Variants in MOSMO observed in about 807,000 individuals in gnomAD.
The protein encoded by MOSMO is modulator of smoothened protein.
Under a neutral mutation model 18.4 loss-of-function variants are expected in MOSMO, and 5 were observed. The ratio of observed to expected loss-of-function variants is 0.27; its 90% CI spans 0.14 to 0.57. The LOEUF (loss-of-function observed/expected upper bound fraction) is 0.57, where lower values mean the gene tolerates loss of function less well. MOSMO is among the 20% of genes least tolerant of loss of function. MOSMO has a pLI of 0.92. For synonymous variants in MOSMO, 82 were observed against 82.3 expected, an observed-to-expected ratio of 1.00 and a Z score of 0.02; for missense variants, 138 against 211.8, an observed-to-expected ratio of 0.65 and a Z score of 2.16.
downstream of MOSMO, among the ~76,000 whole-genome samples, chr16:22,088,614 G>A (rs893078345): frequency 4.6e-5 from 7 of 152,170 alleles, no homozygotes; most frequent in Non-Finnish European, 8.8e-5. Flanking sequence ...CATTCTCTAC[G>A]TTTAGAGAAG....
chr16:22,090,051 A>G (rs1163153284), downstream of MOSMO: 2 of 152,094 alleles, frequency 1.3e-5, no homozygotes, highest in Non-Finnish European at 2.9e-5. Flanking sequence ...CATGGGGCCA[A>G]TTTCACGTTC....
At chr16:22,024,383 T>G (rs1899832270) in intron 1 of MOSMO, among the ~76,000 whole-genome samples, 1 of 151,476 alleles carries the variant, frequency 6.6e-6, no homozygotes. Flanking sequence ...TTTTTTTTTT[T>G]GAGACGGAGT....
intron 1 of MOSMO, among the ~76,000 whole-genome samples, chr16:22,048,127 G>A (rs1032373015): frequency 1.3e-5 from 2 of 152,174 alleles, no homozygotes; most frequent in Non-Finnish European, 2.9e-5. Flanking sequence ...GTGTAGGACT[G>A]TGTAGCATAG....
At chr16:22,089,480 T>C (rs1901251478), downstream of MOSMO, among the ~76,000 whole-genome samples, 1 of 152,168 alleles carries the variant, frequency 6.6e-6, no homozygotes, top group Admixed American at 6.6e-5. Flanking sequence ...CCAAACCAGC[T>C]GCTCCTCACC....
At chr16:22,038,783 T>C (rs1900156597) in intron 1 of MOSMO, among the ~76,000 whole-genome samples, 1 of 152,226 alleles carries the variant, frequency 6.6e-6, no homozygotes, top group Non-Finnish European at 1.5e-5. Flanking sequence ...CCATAAAGCA[T>C]AAATTTTTTA....
intron 2 of MOSMO, among the ~76,000 whole-genome samples, chr16:22,078,570 G>A (rs62047196): frequency 0.022 from 3,303 of 152,168 alleles, 59 homozygotes; most frequent in Non-Finnish European, 0.031. Flanking sequence ...GAAATGATAG[G>A]AACAAAGTTG....
intron 1 of MOSMO, among the ~76,000 whole-genome samples, chr16:22,024,936 G>T (rs1207648399): frequency 6.6e-6 from 1 of 151,986 alleles, no homozygotes; most frequent in East Asian, 1.9e-4. Flanking sequence ...GATCGCCTGA[G>T]CCCAGGAGTT....
intron 1 of MOSMO, among the ~76,000 whole-genome samples, chr16:22,021,747 G>A (rs921652432): frequency 4.0e-5 from 6 of 151,898 alleles, no homozygotes; most frequent in Non-Finnish European, 7.4e-5. Context: ...GCAGTGAGCC[G>A]AGACTGGACC....
chr16:22,072,608 G>A (rs1033799552), intron 1 of MOSMO, among the ~76,000 whole-genome samples: 1 of 152,070 alleles, frequency 6.6e-6, no homozygotes, highest in Non-Finnish European at 1.5e-5. Context: ...TCAGGAGATC[G>A]AGACGATCTT....
intron 1 of MOSMO, among the ~76,000 whole-genome samples, chr16:22,020,481 G>C (rs1425986409): frequency 6.6e-6 from 1 of 151,806 alleles, no homozygotes; most frequent in African/African-American, 2.4e-5. Flanking sequence ...TTTTAGTAGA[G>C]ACAGGGTTTC....
chr16:22,031,190 A>G (rs1424864958), intron 1 of MOSMO, among the ~76,000 whole-genome samples: 1 of 152,190 alleles, frequency 6.6e-6, no homozygotes, highest in East Asian at 1.9e-4. Flanking sequence ...TGTTCCAGGT[A>G]GAAGGAAGCC....
chr16:22,033,978 G>T lies in MOSMO; in HGVS notation c.106+25571G>T, dbSNP rs1344907799. ...ATGTGAAAAACGAACTGGTTTTATAGGTACTCCAGTACATACTGGTTTTGC... is the reference window on the plus strand; with the variant it reads ...ATGTGAAAAACGAACTGGTTTTATATGTACTCCAGTACATACTGGTTTTGC... On this transcript the variant is annotated intron_variant, in intron 1 of 2. Coordinates refer to ENST00000542527, the MANE Select transcript of MOSMO (RefSeq NM_001164579.2). Among the ~76,000 whole-genome samples the T allele has an allele frequency of 5.9e-5, 9 of 152,028 alleles. 1 individual carries two copies. The highest frequency in any genetic ancestry group is 4.6e-4 in the Admixed American group (7 of 15,274).
At chr16:22,010,694 G>A (rs1366790522) in intron 1 of MOSMO, among the ~76,000 whole-genome samples, 1 of 152,120 alleles carries the variant, frequency 6.6e-6, no homozygotes, top group Non-Finnish European at 1.5e-5. Context: ...CAAGGCGGAC[G>A]GATCACCTGA....
intron 1 of MOSMO, among the ~76,000 whole-genome samples, chr16:22,071,411 G>A (rs1259646366): frequency 1.3e-5 from 2 of 152,210 alleles, no homozygotes; most frequent in African/African-American, 4.8e-5. Context: ...GTGGCCGTGC[G>A]CCTTTCTGCC....
At chr16:22,034,250 A>T (rs1050809210) in intron 1 of MOSMO, among the ~76,000 whole-genome samples, 6 of 152,190 alleles carry the variant, frequency 3.9e-5, no homozygotes, top group Admixed American at 3.9e-4. Context: ...GTTGTCTGTC[A>T]GTTAGGAATA....
At chr16:22,076,001 T>C (rs1332211940) in intron 2 of MOSMO, 1 of 298,314 alleles carries the variant, frequency 3.4e-6, no homozygotes, top group Non-Finnish European at 6.5e-6. Flanking sequence ...GCCTGAGTCT[T>C]TTCCTCTTCT....
downstream of MOSMO, chr16:22,086,110 A>G (rs1307503016): frequency 6.6e-6 from 1 of 152,140 alleles, no homozygotes; most frequent in Non-Finnish European, 1.5e-5. Flanking sequence ...TAAGACCAAC[A>G]TTCATATTCT....
intron 1 of MOSMO, among the ~76,000 whole-genome samples, chr16:22,065,358 C>T (rs1221997786): frequency 1.3e-5 from 2 of 152,126 alleles, no homozygotes; most frequent in Non-Finnish European, 2.9e-5. Context: ...ATTATAATAG[C>T]AAAGCTTTCT....
At chr16:22,054,715 T>G (rs1364808341) in intron 1 of MOSMO, among the ~76,000 whole-genome samples, 1 of 152,192 alleles carries the variant, frequency 6.6e-6, no homozygotes. Flanking sequence ...CACCAAAACC[T>G]TTATTCAGGC....
Sources: allele counts gnomAD v4.1 joint callset (sites outside exome capture counted in the v4.1 genomes callset), GRCh38; gene constraint gnomAD v4.1.1; transcripts MANE v1.5; gene names NCBI Gene and HGNC (gene_info 2026-07-23, HGNC 2026-07-21).